SHANK2: variants seen among roughly 807,000 people sequenced by gnomAD.
SHANK2 encodes SH3 and multiple ankyrin repeat domains protein 2.
Under a neutral mutation model 133.7 loss-of-function variants are expected in SHANK2, and 43 were observed. That is an observed-to-expected ratio of 0.32 (90% CI 0.25 to 0.41). The LOEUF (loss-of-function observed/expected upper bound fraction) is 0.41. Among genes scored for constraint, SHANK2 ranks in the 10% least tolerant of loss-of-function variants. The pLI is 1.00. For missense variants in SHANK2, 1,994 were observed against 2,235.8 expected, an observed-to-expected ratio of 0.89 and a Z score of 2.18; for synonymous variants, 1,017 against 952.8, an observed-to-expected ratio of 1.07 and a Z score of -1.24.
intron 17 of SHANK2, among the ~76,000 whole-genome samples, chr11:70,524,578 A>AC (rs1445613933): frequency 3.3e-5 from 5 of 152,184 alleles, no homozygotes; most frequent in Non-Finnish European, 7.3e-5. Context: ...TCCTCAGGCT[A>AC]CCCCGAGCCT....
At position 70,830,803 on chromosome 11, in the gene SHANK2, G is replaced by A. The variant is rs1199172328; in HGVS notation, c.1175-10121C>T. Among the ~76,000 whole-genome samples the A allele has an allele frequency of 2.6e-5, 4 of 152,228 alleles. No individual in the cohort carries two copies. ...AAGGCTGTCAGATGAGACAGACGAG[G>A]TTCAGAGAGGCTGAGCGCTAAGCTG... On this transcript the variant is annotated intron_variant, in intron 11 of 25. Transcript: ENST00000601538. The surrounding 1 kb of genome is among the most constrained non-coding windows in gnomAD (Gnocchi z 4.4).
intron 3 of SHANK2, among the ~76,000 whole-genome samples, chr11:71,132,686 G>A (rs1345964691): frequency 1.3e-5 from 2 of 152,274 alleles, no homozygotes; most frequent in Non-Finnish European, 1.5e-5. Context: ...TTTAAATGAC[G>A]TGTAAGAAAA....
intron 22 of SHANK2, 94 bp downstream of exon 22, chr11:70,492,241 T>C: frequency 6.4e-7 from 1 of 1,566,046 alleles, no homozygotes; most frequent in Non-Finnish European, 8.7e-7. Flanking sequence ...GAACCAGACA[T>C]GAAAGCGTGT....
intron 17 of SHANK2, among the ~76,000 whole-genome samples, chr11:70,654,590 T>C (rs1201991345): frequency 3.3e-5 from 5 of 152,198 alleles, no homozygotes; most frequent in African/African-American, 9.7e-5. Context: ...AAGTAGAATG[T>C]AACCTTTTCT....
At chr11:70,765,119 A>C (rs1384161943) in intron 14 of SHANK2, among the ~76,000 whole-genome samples, 4 of 152,134 alleles carry the variant, frequency 2.6e-5, no homozygotes, top group Admixed American at 2.6e-4. Flanking sequence ...GGGAAGAGGG[A>C]GTTGGGCCTG....
At position 70,569,201 on chromosome 11, in the gene SHANK2, G is replaced by A. The variant is rs1309094476; in HGVS notation, c.2062-66270C>T. Among the ~76,000 whole-genome samples, 1 of 152,186 alleles carries A rather than the reference G, an allele frequency of 6.6e-6. No homozygotes were observed. The highest frequency in any genetic ancestry group is 1.5e-5 in the Non-Finnish European group (1 of 68,016). ...CTGTCCTCTCAGGGCCAATCGGACT[G>A]AGGACAGTCCCAAACCCCCGGGCCA... On this transcript the variant is annotated intron_variant, in intron 17 of 25. Coordinates refer to ENST00000601538, the MANE Select transcript of SHANK2 (RefSeq NM_012309.5). The surrounding 1 kb of genome is among the most constrained non-coding windows in gnomAD (Gnocchi z 5.1).
intron 2 of SHANK2, among the ~76,000 whole-genome samples, chr11:71,194,541 G>GA (rs1163277954): frequency 6.6e-6 from 1 of 152,212 alleles, no homozygotes; most frequent in Non-Finnish European, 1.5e-5. Flanking sequence ...GTGCCAATGG[G>GA]AGGGGGGCAG....
chr11:70,563,326 A>C (rs1256512840), intron 17 of SHANK2, among the ~76,000 whole-genome samples: 1 of 152,216 alleles, frequency 6.6e-6, no homozygotes, highest in Non-Finnish European at 1.5e-5. Flanking sequence ...TGTACAATAC[A>C]AGAACTTACA....
chr11:70,565,642 GTA>G lies in SHANK2; in HGVS notation c.2062-62713_2062-62712del, dbSNP rs145812653. ...CGCTCAGTGCAAGAAGCTGGGGCAA[GTA>G]TAGGGCTCATCCCATCTGTTTCTCA... On this transcript the variant is annotated intron_variant, in intron 17 of 25. Transcript: ENST00000601538. 2.7e-3 allele frequency among the ~76,000 whole-genome samples: 413 copies of G among 152,362 alleles called. 7 individuals carry two copies. In the East Asian group the frequency reaches 0.044, roughly 16 times the overall value.
At chr11:71,160,988 T>C (rs566425988) in intron 2 of SHANK2, among the ~76,000 whole-genome samples, 2 of 152,346 alleles carry the variant, frequency 1.3e-5, no homozygotes, top group South Asian at 4.1e-4. Context: ...TTAAGAAGTT[T>C]ACTTTTGTTA....
In SHANK2 at chr11:71,121,392, G is replaced by T. The variant is rs565462028; in HGVS notation, c.208-2360C>A. 3.2e-4 allele frequency among the ~76,000 whole-genome samples: 48 copies of T among 152,332 alleles called. No individual in the cohort carries two copies. The South Asian group carries it at 7.0e-3, about 22-fold the overall frequency. On this transcript the variant is annotated intron_variant, in intron 3 of 25. Transcript: ENST00000601538. ...TTTGCAGACGTAATCAAGTTAAGAT[G>T]ATGTCATACAGGAGCAGGGTGGACC...
At chr11:71,168,582 G>C (rs1182366725) in intron 2 of SHANK2, among the ~76,000 whole-genome samples, 1 of 152,148 alleles carries the variant, frequency 6.6e-6, no homozygotes, top group Non-Finnish European at 1.5e-5. Flanking sequence ...CGGCACTTCA[G>C]GATGCCGAGG....
At chr11:70,507,850 T>C (rs1378454431) in intron 17 of SHANK2, among the ~76,000 whole-genome samples, 2 of 152,178 alleles carry the variant, frequency 1.3e-5, no homozygotes, top group Non-Finnish European at 2.9e-5. Context: ...AGACCCTAAA[T>C]ACCATCAAGA....
At chr11:70,476,925 G>T (rs1197076875) in intron 25 of SHANK2, among the ~76,000 whole-genome samples, 1 of 152,208 alleles carries the variant, frequency 6.6e-6, no homozygotes, top group Non-Finnish European at 1.5e-5. Flanking sequence ...ATTCACCACG[G>T]GTATCTCTGG....
At chr11:70,820,788 C>T (rs1314063306) in intron 11 of SHANK2, 106 bp from the exon 12 acceptor site, 66 of 566,800 alleles carry the variant, frequency 1.2e-4, no homozygotes, top group African/African-American at 3.4e-4. Flanking sequence ...AGCCCCCATG[C>T]GAGCCCAGCA....
chr11:71,157,555 C>A (rs1350524140), intron 2 of SHANK2, among the ~76,000 whole-genome samples: 14 of 152,198 alleles, frequency 9.2e-5, no homozygotes, highest in African/African-American at 3.4e-4. Flanking sequence ...CTCCAACAGT[C>A]TCTCAGCTTC....
At chr11:71,106,411 G>A (rs1254535842) in intron 6 of SHANK2, among the ~76,000 whole-genome samples, 2 of 152,186 alleles carry the variant, frequency 1.3e-5, no homozygotes, top group Non-Finnish European at 2.9e-5. Context: ...AGACCAGCCT[G>A]GGTCACATAG....
intron 11 of SHANK2, among the ~76,000 whole-genome samples, chr11:70,842,670 C>T (rs1555062069): frequency 6.6e-6 from 1 of 152,212 alleles, no homozygotes; most frequent in Non-Finnish European, 1.5e-5. Context: ...CCCTGCTGTG[C>T]CACCTGGGAT....
At chr11:70,688,656 A>G (rs945207200) in intron 15 of SHANK2, among the ~76,000 whole-genome samples, 1 of 152,244 alleles carries the variant, frequency 6.6e-6, no homozygotes, top group African/African-American at 2.4e-5. Context: ...CAGATGGCAC[A>G]GGCAGAGCTG....
Sources: allele counts gnomAD v4.1 joint callset (sites outside exome capture counted in the v4.1 genomes callset), GRCh38; gene constraint gnomAD v4.1.1; non-coding constraint Gnocchi (gnomAD v3.1); transcripts MANE v1.5; gene names NCBI Gene and HGNC (gene_info 2026-07-23, HGNC 2026-07-21).